Variants in ANKRD11 observed in about 807,000 individuals in gnomAD.
The protein encoded by ANKRD11 is ankyrin repeat domain-containing protein 11.
A neutral mutation model predicts 195.7 loss-of-function variants in ANKRD11; 17 were observed. That is an observed-to-expected ratio of 0.09 (90% CI 0.06 to 0.13). ANKRD11 has a LOEUF of 0.13. Ranked by LOEUF, ANKRD11 falls within the 10% of genes least tolerant of loss-of-function variation. The pLI, the probability that ANKRD11 is intolerant of heterozygous loss-of-function variation, is 1.00. For missense variants in ANKRD11, 3,735 were observed against 3,566.1 expected (o/e 1.05, Z -1.21); for synonymous variants, 1,953 against 1,528.1 (o/e 1.28, Z -6.49).
intron 2 of ANKRD11, among the ~76,000 whole-genome samples, chr16:89,358,850 G>A (rs989798917): frequency 3.3e-5 from 5 of 151,584 alleles, no homozygotes; most frequent in African/African-American, 1.2e-4. Context: ...TTTGAGAATA[G>A]GGTCTCCCTC....
chr16:89,359,419 G>C (rs1040956921), intron 2 of ANKRD11, among the ~76,000 whole-genome samples: 7 of 152,202 alleles, frequency 4.6e-5, no homozygotes, highest in African/African-American at 2.4e-5. Context: ...GGAGCAGGAA[G>C]ACCTTCCAGC....
At chr16:89,411,296 C>G (rs1260724472) in intron 2 of ANKRD11, among the ~76,000 whole-genome samples, 2 of 144,944 alleles carry the variant, frequency 1.4e-5, no homozygotes, top group African/African-American at 5.4e-5. Flanking sequence ...GTGCCAGCAG[C>G]CAGCACTGCC....
At position 89,284,163 on chromosome 16, in the gene ANKRD11, C is replaced by A; in HGVS notation, c.2379G>T (p.Lys793Asn). 2 of 1,602,764 alleles carry A rather than the reference C, an allele frequency of 1.2e-6. No homozygotes were observed. The highest frequency in any genetic ancestry group is 1.7e-6 in the Non-Finnish European group (2 of 1,176,586). Reference protein sequence around the residue: ...KEDKISKEKEKIFKEDKEKLK... With the variant: ...KEDKISKEKENIFKEDKEKLK... Reference sequence around the variant, plus strand: ...GTTTTTCTTTATCTTCTTTAAAAATCTTCTCCTTCTCTTTTGAAATTTTGT... The same window carrying A: ...GTTTTTCTTTATCTTCTTTAAAAATATTCTCCTTCTCTTTTGAAATTTTGT... Residue 793 changes from lysine to asparagine, a missense_variant, in exon 9 of 13, where the codon AAG becomes AAT. Physicochemically the swap from Lys to Asn is moderately conservative, Grantham distance 94. Coordinates refer to ENST00000301030, the MANE Select transcript of ANKRD11 (RefSeq NM_013275.6).
At chr16:89,293,928 C>T (rs150901807) in intron 4 of ANKRD11, among the ~76,000 whole-genome samples, 186 of 152,260 alleles carry the variant, frequency 1.2e-3, no homozygotes, top group African/African-American at 4.4e-3. Context: ...CAGGAGCCCA[C>T]GCTGCGTCCC....
At chr16:89,269,664 T>G (rs918310254) in intron 12 of ANKRD11, among the ~76,000 whole-genome samples, 1 of 152,080 alleles carries the variant, frequency 6.6e-6, no homozygotes, top group Non-Finnish European at 1.5e-5. Flanking sequence ...AGTGCAGTGG[T>G]GCAATCTTGG....
At chr16:89,402,745 G>A (rs1156791099) in intron 2 of ANKRD11, among the ~76,000 whole-genome samples, 1 of 147,084 alleles carries the variant, frequency 6.8e-6, no homozygotes, top group Non-Finnish European at 1.5e-5. Context: ...GGTGAGATAG[G>A]GGGTATCTGC....
At chr16:89,413,467 T>C (rs928966917) in intron 2 of ANKRD11, among the ~76,000 whole-genome samples, 1 of 151,888 alleles carries the variant, frequency 6.6e-6, no homozygotes, top group African/African-American at 2.4e-5. Flanking sequence ...CTACTAAAGA[T>C]ACAAAAAATT....
intron 2 of ANKRD11, among the ~76,000 whole-genome samples, chr16:89,416,304 T>G (rs1428083385): frequency 6.6e-6 from 1 of 151,982 alleles, no homozygotes; most frequent in Non-Finnish European, 1.5e-5. Context: ...TCCATCGATT[T>G]TTTTTTTTCC....
intron 1 of ANKRD11, among the ~76,000 whole-genome samples, chr16:89,484,677 A>G (rs1027230638): frequency 3.3e-5 from 5 of 152,222 alleles, no homozygotes; most frequent in Non-Finnish European, 1.5e-5. Flanking sequence ...GTTATTAGGC[A>G]TTTACAAATA....
intron 2 of ANKRD11, among the ~76,000 whole-genome samples, chr16:89,405,221 T>C (rs1319416956): frequency 6.6e-6 from 1 of 152,122 alleles, no homozygotes; most frequent in Non-Finnish European, 1.5e-5. Context: ...AAAAATCTTG[T>C]GGAAGGAGGT....
intron 1 of ANKRD11, 33 bp from the exon 2 acceptor site, chr16:89,418,401 A>C: frequency 2.4e-6 from 1 of 425,362 alleles, no homozygotes; most frequent in South Asian, 1.6e-5. Context: ...GCTCATGTCA[A>C]TAATAATTTC....
intron 7 of ANKRD11, chr16:89,287,108 TG>T (rs1247861053): frequency 4.7e-6 from 6 of 1,289,772 alleles, no homozygotes; most frequent in Non-Finnish European, 5.1e-6. Flanking sequence ...TCCTCCATCA[TG>T]GGGGCTGCTG....
In ANKRD11 at chr16:89,282,489, T is replaced by A. The variant is rs1051307725; in HGVS notation, c.4053A>T (p.Arg1351Ser). Residue 1351 changes from arginine to serine, a missense_variant, in exon 9 of 13, where the codon AGA (arginine) becomes AGT (serine). Arg to Ser is a moderately radical substitution (Grantham distance 110). Coordinates refer to ENST00000301030, the MANE Select transcript of ANKRD11 (RefSeq NM_013275.6). ...PEKLKEKERHRHSSSSSKKSH... is the reference protein window; with the variant it reads ...PEKLKEKERHSHSSSSSKKSH... The stretch of plus-strand genomic sequence containing the variant: ...TCTTCTTGGATGAAGATGAGGAGTG[T>A]CTGTGCCTCTCCTTCTCTTTCAGCT... 2 of 1,613,922 alleles carry A rather than the reference T, an allele frequency of 1.2e-6. No individual in the cohort carries two copies. Among genetic ancestry groups the A allele is most frequent in the Non-Finnish European group, 1.7e-6 (2 of 1,180,030 alleles).
chr16:89,401,736 G>C (rs2041695718), intron 2 of ANKRD11, among the ~76,000 whole-genome samples: 1 of 152,146 alleles, frequency 6.6e-6, no homozygotes, highest in Non-Finnish European at 1.5e-5. Flanking sequence ...TCACCCCACA[G>C]AACTAGCTTC....
intron 1 of ANKRD11, among the ~76,000 whole-genome samples, chr16:89,437,095 G>A (rs564311637): frequency 2.0e-5 from 3 of 152,242 alleles, no homozygotes; most frequent in East Asian, 1.9e-4. Flanking sequence ...ACACCCAAAC[G>A]GCATCAGCCT....
At chr16:89,394,693 T>C (rs993646915) in intron 2 of ANKRD11, among the ~76,000 whole-genome samples, 1 of 151,824 alleles carries the variant, frequency 6.6e-6, no homozygotes, top group African/African-American at 2.4e-5. Flanking sequence ...CTCGTCTCAA[T>C]AAAACCTGCG....
intron 4 of ANKRD11, among the ~76,000 whole-genome samples, chr16:89,304,600 GCA>G (rs531483424): frequency 1.4e-4 from 21 of 147,644 alleles, no homozygotes; most frequent in African/African-American, 4.0e-4. Flanking sequence ...ACACACACGG[GCA>G]CACACACGGG....
chr16:89,282,612 G>A lies in ANKRD11; in HGVS notation c.3930C>T (p.Asp1310=). 1 of 1,614,176 alleles carries A rather than the reference G, an allele frequency of 6.2e-7. No homozygotes were observed. Among genetic ancestry groups the A allele is most frequent in the Non-Finnish European group, 8.5e-7 (1 of 1,180,030 alleles). ...ISEVSSDSFT[D]RGQEPGLTAF... is the part of the protein sequence containing the mutation. Reference sequence around the variant, plus strand: ...CAGTCAGCCCCGGCTCCTGCCCTCGGTCCGTGAAGCTGTCAGAGGAGACCT... The same window carrying A: ...CAGTCAGCCCCGGCTCCTGCCCTCGATCCGTGAAGCTGTCAGAGGAGACCT... Residue 1310 remains aspartate (D), a synonymous_variant, in exon 9 of 13, where the codon GAC becomes GAT. Transcript: ENST00000301030.
intron 12 of ANKRD11, among the ~76,000 whole-genome samples, chr16:89,269,217 G>A (rs1024281228): frequency 9.2e-5 from 14 of 152,212 alleles, no homozygotes; most frequent in African/African-American, 2.4e-4. Flanking sequence ...GTGCAGTGGT[G>A]CAATCATGAC....
Sources: gnomAD v4.1 joint callset for allele counts (sites outside exome capture counted in the v4.1 genomes callset) on GRCh38, gnomAD v4.1.1 for gene constraint, MANE v1.5 for transcripts, NCBI Gene and HGNC (gene_info 2026-07-23, HGNC 2026-07-21) for gene names.